POF1B: variants seen among roughly 807,000 people sequenced by gnomAD.
POF1B encodes protein POF1B.
Under a neutral mutation model 55.3 loss-of-function variants are expected in POF1B, and 53 were observed. That is an observed-to-expected ratio of 0.96 (90% CI 0.77 to 1.20). The LOEUF (loss-of-function observed/expected upper bound fraction) is 1.20, where lower values mean the gene tolerates loss of function less well. POF1B is among the 50% of genes most tolerant of loss of function. The pLI is 0.00. For missense variants in POF1B, 478 were observed against 420.5 expected, an observed-to-expected ratio of 1.14 and a Z score of -1.20; for synonymous variants, 188 against 148.3, an observed-to-expected ratio of 1.27 and a Z score of -1.95.
intron 12 of POF1B, 107 bp from the exon 13 acceptor site, chrX:85,306,017 T>G (rs1932565651): frequency 1.0e-6 from 1 of 995,416 alleles, no homozygotes. Flanking sequence ...AATAAGACAT[T>G]GAAATAATGA....
chrX:85,284,864 C>G (rs946851595), intron 15 of POF1B, among the ~76,000 whole-genome samples: 1 of 111,945 alleles, frequency 8.9e-6, no homozygotes, highest in Non-Finnish European at 1.9e-5. Flanking sequence ...TCAGAGTGAA[C>G]AGGCAACCTA....
intron 5 of POF1B, among the ~76,000 whole-genome samples, chrX:85,347,234 T>C (rs1309158145): frequency 9.0e-6 from 1 of 111,344 alleles, no homozygotes; most frequent in Non-Finnish European, 1.9e-5. Flanking sequence ...GTGCTACATG[T>C]ATGCACATAC....
chrX:85,299,070 C>G (rs1569280845), intron 15 of POF1B, among the ~76,000 whole-genome samples: 1 of 111,356 alleles, frequency 9.0e-6, no homozygotes. Context: ...TTACAGCCAT[C>G]AGAGAGCATT....
At chrX:85,326,968 G>T (rs926279039) in intron 7 of POF1B, among the ~76,000 whole-genome samples, 1 of 110,679 alleles carries the variant, frequency 9.0e-6, no homozygotes, top group Non-Finnish European at 1.9e-5. Flanking sequence ...CTTCTCATGG[G>T]CAAGACTACC....
intron 6 of POF1B, among the ~76,000 whole-genome samples, chrX:85,333,852 C>T (rs1057173900): frequency 6.6e-5 from 7 of 106,324 alleles, no homozygotes; most frequent in African/African-American, 2.4e-4. Context: ...TCGTTATTCA[C>T]AATTATGTCT....
chrX:85,348,786 T>C (rs187549875), intron 5 of POF1B, among the ~76,000 whole-genome samples: 1 of 111,826 alleles, frequency 8.9e-6, no homozygotes, highest in Admixed American at 9.5e-5. Context: ...TAGTCTTTAG[T>C]TGTTCCAGCT....
chrX:85,330,277 T>G (rs1164396881), intron 7 of POF1B, among the ~76,000 whole-genome samples: 1 of 110,678 alleles, frequency 9.0e-6, no homozygotes, highest in Non-Finnish European at 1.9e-5. Flanking sequence ...TATAAAATTA[T>G]GTTTATGTTT....
intron 4 of POF1B, among the ~76,000 whole-genome samples, chrX:85,357,460 A>G (rs1046050448): frequency 1.5e-4 from 16 of 109,950 alleles, no homozygotes; most frequent in African/African-American, 5.3e-4. Context: ...ATTTTTTTCA[A>G]TTCATCTCAT....
chrX:85,355,973 G>A (rs1933486476), intron 4 of POF1B, among the ~76,000 whole-genome samples: 1 of 111,458 alleles, frequency 9.0e-6, no homozygotes, highest in Non-Finnish European at 1.9e-5. Flanking sequence ...ATACCCAAAG[G>A]ATTATAAATC....
chrX:85,282,093 C>G, intron 16 of POF1B, 110 bp downstream of exon 16: 6 of 939,953 alleles, frequency 6.4e-6, no homozygotes, highest in Non-Finnish European at 8.1e-6. Flanking sequence ...CAGAAAATCT[C>G]AAAAGAAAAA....
chrX:85,353,465 G>A (rs73513689), intron 4 of POF1B, among the ~76,000 whole-genome samples: 5,615 of 110,361 alleles, frequency 0.051, 308 homozygotes, highest in African/African-American at 0.16. Context: ...TGAACCTGAG[G>A]AGTCTACTAC....
At chrX:85,361,994 G>A (rs1425722211) in intron 3 of POF1B, among the ~76,000 whole-genome samples, 1 of 108,309 alleles carries the variant, frequency 9.2e-6, no homozygotes, top group Admixed American at 1.0e-4. Context: ...GTGTGTATGT[G>A]TGTGTGTGGC....
At chrX:85,306,875 A>G (rs1288707067) in intron 11 of POF1B, among the ~76,000 whole-genome samples, 2 of 111,982 alleles carry the variant, frequency 1.8e-5, no homozygotes, top group Non-Finnish European at 3.8e-5. Flanking sequence ...AGTACATTAA[A>G]TAAATGCATG....
intron 7 of POF1B, among the ~76,000 whole-genome samples, chrX:85,322,694 A>C (rs1227448929): frequency 8.9e-6 from 1 of 111,810 alleles, no homozygotes; most frequent in Non-Finnish European, 1.9e-5. Context: ...CAATCTACTC[A>C]TCTGACAAAG....
chrX:85,357,094 T>C (rs1933517932), intron 4 of POF1B, among the ~76,000 whole-genome samples: 2 of 110,935 alleles, frequency 1.8e-5, no homozygotes, highest in Admixed American at 9.7e-5. Flanking sequence ...CTCTTTCTCC[T>C]CCTATTTACA....
intron 3 of POF1B, among the ~76,000 whole-genome samples, chrX:85,363,600 G>T (rs1933665285): frequency 9.0e-6 from 1 of 111,580 alleles, no homozygotes; most frequent in Admixed American, 9.6e-5. Context: ...ATTGTGCTTT[G>T]GTCCAAGAAG....
rs146998817 is a variant in POF1B, at chrX:85,353,059, C to T, written c.439-1608G>A. Among the ~76,000 whole-genome samples the T allele has an allele frequency of 5.1e-3, 564 of 110,970 alleles. 4 individuals carry two copies. The highest frequency in any genetic ancestry group is 0.017 in the African/African-American group (529 of 30,704). ...GTAGAAAGAGACAAATGCCTTTACACGTACAGAGAAAGAACTTATGGGATG... is the reference window on the plus strand; with the variant it reads ...GTAGAAAGAGACAAATGCCTTTACATGTACAGAGAAAGAACTTATGGGATG... On this transcript the variant is annotated intron_variant, in intron 4 of 16. Coordinates refer to ENST00000262753, the MANE Select transcript of POF1B (RefSeq NM_024921.4).
intron 3 of POF1B, among the ~76,000 whole-genome samples, chrX:85,361,955 CGTGTGT>C (rs3049233): frequency 0.01 from 948 of 94,247 alleles, 23 homozygotes; most frequent in African/African-American, 0.032. Context: ...CTAGGTATTT[CGTGTGT>C]GTGTGTGTGT....
chrX:85,372,884 A>G (rs932280631), intron 2 of POF1B, among the ~76,000 whole-genome samples: 1 of 107,566 alleles, frequency 9.3e-6, no homozygotes, highest in African/African-American at 3.4e-5. Context: ...TAAATGTCTC[A>G]GTTATTTACT....
Sources: gnomAD v4.1 joint callset for allele counts (sites outside exome capture counted in the v4.1 genomes callset) on GRCh38, gnomAD v4.1.1 for gene constraint, MANE v1.5 for transcripts, NCBI Gene and HGNC (gene_info 2026-07-23, HGNC 2026-07-21) for gene names.